The following CACNB2 variants were observed in gnomAD, a reference collection of about 807,000 sequenced individuals.
CACNB2 encodes calcium voltage-gated channel auxiliary subunit beta 2.
In CACNB2, 42 loss-of-function variants were observed where a neutral mutation model predicts 73.3. The ratio of observed to expected loss-of-function variants is 0.57; its 90% CI spans 0.45 to 0.74. CACNB2 has a LOEUF of 0.74. Among genes scored for constraint, CACNB2 ranks in the 30% least tolerant of loss-of-function variants. CACNB2 has a pLI of 0.00. For missense variants in CACNB2, 940 were observed against 853.0 expected (o/e 1.10, Z -1.27); for synonymous variants, 348 against 310.3 (o/e 1.12, Z -1.28).
chr10:18,536,451 G>A lies in CACNB2; in HGVS notation c.1302+255G>A, dbSNP rs956851464. Among the ~76,000 whole-genome samples, 14 of 151,314 alleles carry A rather than the reference G, an allele frequency of 9.3e-5. No individual in the cohort carries two copies. The South Asian group carries it at 1.0e-3, about 11-fold the overall frequency. ...CTTTTTTTTTTCCCCCTGTAGAGAC[G>A]GGGTCTTGCTATGTTGCCCAGGCTG... On this transcript the variant is annotated intron_variant, in intron 12 of 13. Transcript: ENST00000324631.
intron 3 of CACNB2, among the ~76,000 whole-genome samples, chr10:18,494,174 G>T (rs985060281): frequency 1.3e-5 from 2 of 151,916 alleles, no homozygotes; most frequent in Non-Finnish European, 2.9e-5. Context: ...TCCTTTTTCA[G>T]TCCCCTCTTT....
chr10:18,155,879 A>T (rs1190487624), intron 2 of CACNB2, among the ~76,000 whole-genome samples: 1 of 81,706 alleles, frequency 1.2e-5, no homozygotes, highest in African/African-American at 4.3e-5. Context: ...AGAGAGGGAG[A>T]GAGAGAGAGA....
intron 2 of CACNB2, among the ~76,000 whole-genome samples, chr10:18,298,262 G>A (rs376716300): frequency 1.5e-3 from 222 of 152,128 alleles, no homozygotes; most frequent in Non-Finnish European, 2.1e-3. Context: ...CCAGCCACTC[G>A]GGAGGCTGAG....
chr10:18,276,064 A>T, intron 2 of CACNB2, among the ~76,000 whole-genome samples: 1 of 152,320 alleles, frequency 6.6e-6, no homozygotes, highest in South Asian at 2.1e-4. Flanking sequence ...TTTTATAGTA[A>T]TCTCAAATAA....
chr10:18,232,363 C>T (rs994306742), intron 2 of CACNB2, among the ~76,000 whole-genome samples: 1 of 152,154 alleles, frequency 6.6e-6, no homozygotes, highest in African/African-American at 2.4e-5. Context: ...TTCACAGTTA[C>T]TCATCCAAGA....
intron 3 of CACNB2, among the ~76,000 whole-genome samples, chr10:18,497,845 G>A (rs1028727112): frequency 2.0e-5 from 3 of 152,144 alleles, no homozygotes; most frequent in East Asian, 1.9e-4. Context: ...TTCATAATTC[G>A]TTGCAGCCAT....
At chr10:18,316,876 C>T (rs2040207729) in intron 2 of CACNB2, among the ~76,000 whole-genome samples, 1 of 152,128 alleles carries the variant, frequency 6.6e-6, no homozygotes, top group South Asian at 2.1e-4. Context: ...TGTCTTAGCC[C>T]CAGCAGACCT....
chr10:18,329,179 A>G (rs1364413045), intron 2 of CACNB2, among the ~76,000 whole-genome samples: 1 of 152,160 alleles, frequency 6.6e-6, no homozygotes, highest in East Asian at 1.9e-4. Flanking sequence ...GTGGTACTCA[A>G]TGCACTCAGA....
At chr10:18,230,581 G>A (rs1386867946) in intron 2 of CACNB2, among the ~76,000 whole-genome samples, 2 of 152,124 alleles carry the variant, frequency 1.3e-5, no homozygotes, top group African/African-American at 4.8e-5. Context: ...GAACAAGAAT[G>A]AAAGGAAGGT....
At chr10:18,451,201 A>G (rs989213410) in intron 3 of CACNB2, among the ~76,000 whole-genome samples, 1 of 152,208 alleles carries the variant, frequency 6.6e-6, no homozygotes, top group Non-Finnish European at 1.5e-5. Context: ...ATTTCTCCTT[A>G]TTTATCAGCC....
chr10:18,439,624 C>G (rs2046316338), intron 3 of CACNB2, among the ~76,000 whole-genome samples: 1 of 152,218 alleles, frequency 6.6e-6, no homozygotes, highest in African/African-American at 2.4e-5. Flanking sequence ...AAATCATGCT[C>G]TAAGTAACCC....
At chr10:18,175,546 A>T (rs1337529933) in intron 2 of CACNB2, among the ~76,000 whole-genome samples, 1 of 152,100 alleles carries the variant, frequency 6.6e-6, no homozygotes, top group Non-Finnish European at 1.5e-5. Context: ...TTTCACACAC[A>T]CACCCACTGC....
intron 7 of CACNB2, among the ~76,000 whole-genome samples, chr10:18,516,766 A>T (rs1388597822): frequency 6.6e-6 from 1 of 151,780 alleles, no homozygotes; most frequent in Non-Finnish European, 1.5e-5. Flanking sequence ...TTGCTTTTAG[A>T]GTGGTGCTTG....
intron 3 of CACNB2, among the ~76,000 whole-genome samples, chr10:18,463,361 T>C (rs1564577452): frequency 6.8e-6 from 1 of 147,516 alleles, no homozygotes; most frequent in African/African-American, 2.5e-5. Flanking sequence ...TCTTATCTAT[T>C]AAAAAAAAAA....
intron 2 of CACNB2, among the ~76,000 whole-genome samples, chr10:18,365,799 T>C (rs1056982296): frequency 1.5e-5 from 2 of 137,598 alleles, no homozygotes; most frequent in Non-Finnish European, 3.2e-5. Flanking sequence ...TAACCATTCA[T>C]TGATTTCAGT....
chr10:18,221,285 G>A (rs918255499), intron 2 of CACNB2, among the ~76,000 whole-genome samples: 20 of 152,144 alleles, frequency 1.3e-4, no homozygotes, highest in African/African-American at 4.3e-4. Context: ...AACAATATGG[G>A]AGTTCAGAAT....
intron 2 of CACNB2, among the ~76,000 whole-genome samples, chr10:18,226,547 G>C (rs1041850061): frequency 6.6e-6 from 1 of 152,206 alleles, no homozygotes; most frequent in African/African-American, 2.4e-5. Flanking sequence ...AAGAGGCAGA[G>C]ATGGGGATTT....
chr10:18,368,543 G>T (rs1016428246), intron 2 of CACNB2, among the ~76,000 whole-genome samples: 3 of 152,148 alleles, frequency 2.0e-5, no homozygotes, highest in African/African-American at 7.2e-5. Flanking sequence ...TTAAGCATAT[G>T]CTACCAAAAA....
intron 2 of CACNB2, among the ~76,000 whole-genome samples, chr10:18,233,424 G>A (rs1361346175): frequency 6.6e-6 from 1 of 151,508 alleles, no homozygotes; most frequent in Non-Finnish European, 1.5e-5. Context: ...AGACTTGGGA[G>A]CTAGTCTCTA....
Sources: allele counts gnomAD v4.1 joint callset (sites outside exome capture counted in the v4.1 genomes callset), GRCh38; gene constraint gnomAD v4.1.1; transcripts MANE v1.5; gene names NCBI Gene and HGNC (gene_info 2026-07-23, HGNC 2026-07-21).